INIP: variants seen among roughly 807,000 people sequenced by gnomAD.
INIP encodes INTS3 and NABP interacting protein.
INIP carries 9 observed loss-of-function variants against 14.0 expected under a neutral mutation model. The ratio of observed to expected loss-of-function variants is 0.64; its 90% CI spans 0.39 to 1.12. The LOEUF is 1.12. INIP is among the 50% of genes most tolerant of loss of function. The pLI, the probability that INIP is intolerant of heterozygous loss-of-function variation, is 0.01. For synonymous variants in INIP, 37 were observed against 41.5 expected (o/e 0.89, Z 0.41); for missense variants, 78 against 122.7 (o/e 0.64, Z 1.72).
intron 3 of INIP, among the ~76,000 whole-genome samples, chr9:112,691,650 TCAAGATA>T (rs1274477090): frequency 6.6e-6 from 1 of 152,160 alleles, no homozygotes; most frequent in African/African-American, 2.4e-5. Context: ...ACAAAAGAAA[TCAAGATA>T]GTCTCCTCCT....
intron 2 of INIP, among the ~76,000 whole-genome samples, chr9:112,703,748 A>G (rs1259903426): frequency 6.6e-6 from 1 of 152,196 alleles, no homozygotes; most frequent in Non-Finnish European, 1.5e-5. Context: ...AGCCGAGAAG[A>G]ATTTTTAAAA....
intron 2 of INIP, among the ~76,000 whole-genome samples, chr9:112,699,633 C>T (rs1483181969): frequency 2.0e-5 from 3 of 151,980 alleles, no homozygotes; most frequent in Non-Finnish European, 4.4e-5. Context: ...AATTCAGTAC[C>T]ATCTGTGATT....
In INIP at chr9:112,707,643, A is replaced by C. The variant is rs967966519; in HGVS notation, c.25+8818T>G. Among the ~76,000 whole-genome samples, 9 of 152,140 alleles carry C rather than the reference A, an allele frequency of 5.9e-5. No homozygotes were observed. In the East Asian group the frequency reaches 1.7e-3, roughly 29 times the overall value. ...ACAGCTCTATCACACTTAAAGACTA[A>C]CTGAAATTCTTCTTATTGTAAAAAA... On this transcript the variant is annotated intron_variant, in intron 2 of 4. Transcript: ENST00000374242.
intron 2 of INIP, among the ~76,000 whole-genome samples, chr9:112,696,673 T>C (rs1838107684): frequency 6.6e-6 from 1 of 152,230 alleles, no homozygotes. Context: ...TGCCTCTGAC[T>C]GACTGGCTGT....
intron 2 of INIP, among the ~76,000 whole-genome samples, chr9:112,713,157 A>C (rs544809967): frequency 1.3e-5 from 2 of 152,382 alleles, no homozygotes; most frequent in South Asian, 4.1e-4. Flanking sequence ...AGATTTGAAC[A>C]AATACTTCAT....
intron 2 of INIP, among the ~76,000 whole-genome samples, chr9:112,700,375 T>C (rs901976900): frequency 1.3e-5 from 2 of 152,028 alleles, no homozygotes; most frequent in Non-Finnish European, 2.9e-5. Flanking sequence ...CCTGGGATTT[T>C]TCCATGGGGT....
At chr9:112,693,407 T>G (rs1291041935) in intron 3 of INIP, among the ~76,000 whole-genome samples, 2 of 152,160 alleles carry the variant, frequency 1.3e-5, no homozygotes, top group Admixed American at 6.5e-5. Context: ...CAAGCCTTAC[T>G]CCATTCGTTT....
intron 2 of INIP, among the ~76,000 whole-genome samples, chr9:112,705,920 C>CA (rs1393736868): frequency 6.6e-6 from 1 of 152,088 alleles, no homozygotes; most frequent in Admixed American, 6.6e-5. Context: ...GGGAGCTACT[C>CA]AGAGTATTTA....
At chr9:112,705,434 C>T (rs1183105640) in intron 2 of INIP, among the ~76,000 whole-genome samples, 1 of 151,986 alleles carries the variant, frequency 6.6e-6, no homozygotes, top group Non-Finnish European at 1.5e-5. Flanking sequence ...TTCAGCCTCC[C>T]AAGTAGCTGG....
In INIP at chr9:112,684,769, T is replaced by A. The variant is rs999825573; in HGVS notation, c.*2769A>T. On this transcript the variant is annotated 3_prime_UTR_variant, in exon 5 of 5. Transcript: ENST00000374242. ...TTTGAAAAACACTAGTCTAGACAAT[T>A]TCTGACATGGGCAGAGCATGTGCTT... The A allele has an allele frequency of 1.1e-4, 16 of 152,264 alleles. No homozygotes were observed. Among genetic ancestry groups the A allele is most frequent in the Admixed American group, 1.0e-3 (16 of 15,296 alleles). 9.4% of individuals were successfully genotyped at this position (152,264 alleles called of 1,614,324 possible). A position where few individuals can be genotyped will look rare whatever the true frequency, so the allele number is the denominator to read the frequency against.
chr9:112,704,737 A>G (rs550776562), intron 2 of INIP, among the ~76,000 whole-genome samples: 1 of 151,994 alleles, frequency 6.6e-6, no homozygotes, highest in African/African-American at 2.4e-5. Flanking sequence ...CTACAAAGGT[A>G]TAGAAAAATT....
chr9:112,706,400 T>A (rs1349633338), intron 2 of INIP, among the ~76,000 whole-genome samples: 1 of 151,750 alleles, frequency 6.6e-6, no homozygotes, highest in Non-Finnish European at 1.5e-5. Context: ...AGGTGTGCAC[T>A]AGCACACCTG....
Position 112,689,614 on chromosome 9 carries a change from A to G in INIP, c.132T>C (p.Ile44=). The change falls in exon 4 of 5, where the codon ATT becomes ATC. Residue 44 remains isoleucine, a synonymous_variant. Transcript: ENST00000374242. ...QSSTNHPGAS[I]ALSRPSLNKD... Reference sequence around the variant, plus strand: ...TATTAAGAGAGGGTCTCGAGAGTGCAATGCTAAAATGGGAATCTTGGTTAC... The same window carrying G: ...TATTAAGAGAGGGTCTCGAGAGTGCGATGCTAAAATGGGAATCTTGGTTAC... The G allele has an allele frequency of 6.2e-7, 1 of 1,613,162 alleles. No individual in the cohort carries two copies.
intron 4 of INIP, 66 bp downstream of exon 4, chr9:112,689,461 C>T: frequency 8.2e-7 from 1 of 1,216,752 alleles, no homozygotes; most frequent in South Asian, 1.2e-5. Flanking sequence ...TATAAAATAA[C>T]TATGTGCCGG....
chr9:112,714,361 G>A (rs1392839412), intron 2 of INIP, among the ~76,000 whole-genome samples: 3 of 152,156 alleles, frequency 2.0e-5, no homozygotes, highest in Non-Finnish European at 2.9e-5. Flanking sequence ...GATACAGAAC[G>A]GAAATAGAGG....
chr9:112,712,260 A>C (rs1415318342), intron 2 of INIP, among the ~76,000 whole-genome samples: 1 of 152,236 alleles, frequency 6.6e-6, no homozygotes, highest in Non-Finnish European at 1.5e-5. Context: ...GCAGCCCATC[A>C]ATAAAGCAGC....
chr9:112,713,522 C>T (rs552918295), intron 2 of INIP, among the ~76,000 whole-genome samples: 2 of 151,906 alleles, frequency 1.3e-5, no homozygotes, highest in South Asian at 4.2e-4. Flanking sequence ...GCAAGACCCT[C>T]TCTCTACAAA....
intron 2 of INIP, among the ~76,000 whole-genome samples, chr9:112,695,832 G>A (rs112041640): frequency 1.4e-4 from 14 of 102,512 alleles, no homozygotes; most frequent in Middle Eastern, 4.5e-3. Context: ...GAAGAAGAAG[G>A]AGAAGAAGGA....
At position 112,686,068 on chromosome 9, in the gene INIP, A is replaced by G. The variant is rs1837654328; in HGVS notation, c.*1470T>C. 1 of 152,206 alleles carries G rather than the reference A, an allele frequency of 6.6e-6. No individual in the cohort carries two copies. The highest frequency in any genetic ancestry group is 2.4e-5 in the African/African-American group (1 of 41,446). 9.4% of individuals were successfully genotyped at this position (152,206 alleles called of 1,614,324 possible). A position where few individuals can be genotyped will look rare whatever the true frequency, so the allele number is the denominator to read the frequency against. ...TAGAACTTTCACTAAATATTGACCC[A>G]AACTGGAATTTTCAGTTTTACGCTA... On this transcript the variant is annotated 3_prime_UTR_variant, in exon 5 of 5. Coordinates refer to ENST00000374242, the MANE Select transcript of INIP (RefSeq NM_021218.3).
Sources: allele counts gnomAD v4.1 joint callset (sites outside exome capture counted in the v4.1 genomes callset), GRCh38; gene constraint gnomAD v4.1.1; transcripts MANE v1.5; gene names NCBI Gene and HGNC (gene_info 2026-07-23, HGNC 2026-07-21).